The following KCNIP4 variants were observed in gnomAD, a reference collection of about 807,000 sequenced individuals.
KCNIP4 encodes Kv channel-interacting protein 4.
Under a neutral mutation model 34.0 loss-of-function variants are expected in KCNIP4, and 12 were observed. That is an observed-to-expected ratio of 0.35 (90% CI 0.23 to 0.57). The LOEUF (loss-of-function observed/expected upper bound fraction) is 0.57. Ranked by LOEUF, KCNIP4 falls within the 20% of genes least tolerant of loss-of-function variation. KCNIP4 has a pLI of 0.83. For synonymous variants in KCNIP4, 124 were observed against 102.2 expected (o/e 1.21, Z -1.29); for missense variants, 238 against 311.7 (o/e 0.76, Z 1.78).
chr4:21,537,198 A>C (rs1737247654), intron 1 of KCNIP4, among the ~76,000 whole-genome samples: 2 of 152,184 alleles, frequency 1.3e-5, no homozygotes, highest in African/African-American at 2.4e-5. Flanking sequence ...GATTTCTCAG[A>C]CTCTACAGGA....
intron 1 of KCNIP4, among the ~76,000 whole-genome samples, chr4:20,933,865 T>G (rs17634356): frequency 6.6e-6 from 1 of 152,088 alleles, no homozygotes; most frequent in Admixed American, 6.5e-5. Flanking sequence ...CAAACTTCCA[T>G]GTACTGGAAA....
chr4:21,640,112 T>C (rs986588856), intron 1 of KCNIP4, among the ~76,000 whole-genome samples: 6 of 152,162 alleles, frequency 3.9e-5, no homozygotes, highest in African/African-American at 1.4e-4. Context: ...TTCCCATCCA[T>C]TTAACTTCTA....
chr4:21,139,958 C>T (rs552644046), intron 1 of KCNIP4, among the ~76,000 whole-genome samples: 88 of 152,246 alleles, frequency 5.8e-4, no homozygotes, highest in Non-Finnish European at 1.1e-3. Flanking sequence ...TTCTAACATA[C>T]TGAGCTTCTC....
intron 1 of KCNIP4, among the ~76,000 whole-genome samples, chr4:21,280,120 C>T (rs1370392728): frequency 2.0e-5 from 3 of 152,146 alleles, no homozygotes; most frequent in Non-Finnish European, 4.4e-5. Context: ...TTATTCCATT[C>T]TTTTGTCGGC....
intron 1 of KCNIP4, among the ~76,000 whole-genome samples, chr4:21,446,930 T>A (rs942753925): frequency 2.0e-5 from 3 of 152,100 alleles, no homozygotes; most frequent in African/African-American, 7.2e-5. Context: ...ATCACTTTAG[T>A]TGAAGGACAT....
chr4:21,364,854 T>C (rs542203120), intron 1 of KCNIP4, among the ~76,000 whole-genome samples: 1 of 152,282 alleles, frequency 6.6e-6, no homozygotes, highest in East Asian at 1.9e-4. Context: ...GCAACTATCT[T>C]AGAAGAAAAA....
intron 1 of KCNIP4, among the ~76,000 whole-genome samples, chr4:20,947,664 C>T (rs1732328897): frequency 6.6e-6 from 1 of 152,188 alleles, no homozygotes; most frequent in African/African-American, 2.4e-5. Flanking sequence ...TGTAAGGAAG[C>T]TCCTTAACTT....
At chr4:21,471,202 A>G (rs1730441420) in intron 1 of KCNIP4, among the ~76,000 whole-genome samples, 2 of 152,158 alleles carry the variant, frequency 1.3e-5, no homozygotes, top group East Asian at 3.9e-4. Context: ...GGCAAGTTTG[A>G]GAAGTTCTGT....
intron 1 of KCNIP4, among the ~76,000 whole-genome samples, chr4:20,972,108 A>C (rs1735012823): frequency 6.6e-6 from 1 of 152,148 alleles, no homozygotes; most frequent in Non-Finnish European, 1.5e-5. Flanking sequence ...TTCTCTTGCT[A>C]TTTCCACCAC....
chr4:21,858,242 A>G (rs10011023), intron 1 of KCNIP4, among the ~76,000 whole-genome samples: 18,997 of 152,268 alleles, frequency 0.12, 3,518 homozygotes, highest in African/African-American at 0.41. Flanking sequence ...TGGCCACAGA[A>G]GTTTCCAGCT....
rs868682877 is a variant in KCNIP4, at chr4:21,117,310, G to A, written c.62-234601C>T. ...CCTGGCCGGGGTTGCCGGGGGGGGG[G>A]GGGGGGGGGCGCTGTTTTTCATCTT... On this transcript the variant is annotated intron_variant, in intron 1 of 8. Coordinates refer to ENST00000382152, the MANE Select transcript of KCNIP4 (RefSeq NM_025221.6). Among the ~76,000 whole-genome samples, 18 of 133,464 alleles carry A rather than the reference G, an allele frequency of 1.3e-4. 1 individual carries two copies. Among genetic ancestry groups the A allele is most frequent in the South Asian group, 3.0e-4 (1 of 3,374 alleles). 87.6% of individuals were successfully genotyped at this position (133,464 alleles called of 152,430 possible).
At chr4:21,467,113 CACACAA>C (rs201420969) in intron 1 of KCNIP4, among the ~76,000 whole-genome samples, 7,423 of 130,892 alleles carry the variant, frequency 0.057, 260 homozygotes, top group Non-Finnish European at 0.082. Flanking sequence ...CACACACACA[CACACAA>C]AACAGAACAT....
intron 1 of KCNIP4, among the ~76,000 whole-genome samples, chr4:21,883,913 T>C (rs956950611): frequency 6.6e-6 from 1 of 152,116 alleles, no homozygotes; most frequent in Non-Finnish European, 1.5e-5. Context: ...GACTTCTTTT[T>C]GGAATAAGCT....
chr4:21,343,709 T>C (rs550240237), intron 1 of KCNIP4, among the ~76,000 whole-genome samples: 9 of 152,184 alleles, frequency 5.9e-5, no homozygotes, highest in African/African-American at 2.2e-4. Flanking sequence ...CCCCAGAAAG[T>C]CTCAGGGGGA....
At chr4:21,392,241 G>T (rs1722628946) in intron 1 of KCNIP4, among the ~76,000 whole-genome samples, 1 of 152,202 alleles carries the variant, frequency 6.6e-6, no homozygotes, top group Non-Finnish European at 1.5e-5. Context: ...GAAGGTGGAA[G>T]TGCACAATGA....
chr4:21,597,230 C>A (rs983329348), intron 1 of KCNIP4, among the ~76,000 whole-genome samples: 3 of 151,968 alleles, frequency 2.0e-5, no homozygotes, highest in Non-Finnish European at 2.9e-5. Context: ...GAATAAGTCT[C>A]AGAAGACCTG....
At chr4:20,843,687 G>A (rs9991691) in intron 3 of KCNIP4, among the ~76,000 whole-genome samples, 55,919 of 151,720 alleles carry the variant, frequency 0.37, 10,654 homozygotes, top group Non-Finnish European at 0.43. Flanking sequence ...TGGAGATCGC[G>A]CCACTGCATT....
intron 1 of KCNIP4, among the ~76,000 whole-genome samples, chr4:21,339,437 A>T (rs1214419000): frequency 6.6e-6 from 1 of 152,228 alleles, no homozygotes; most frequent in Non-Finnish European, 1.5e-5. Context: ...TCAACATAAT[A>T]TGCAAATTGA....
intron 1 of KCNIP4, among the ~76,000 whole-genome samples, chr4:21,806,345 T>C (rs1477668926): frequency 1.3e-5 from 2 of 152,218 alleles, no homozygotes; most frequent in Non-Finnish European, 2.9e-5. Flanking sequence ...CATCTTGCCG[T>C]TTACAATTCT....
Sources: gnomAD v4.1 joint callset for allele counts (sites outside exome capture counted in the v4.1 genomes callset) on GRCh38, gnomAD v4.1.1 for gene constraint, MANE v1.5 for transcripts, NCBI Gene and HGNC (gene_info 2026-07-23, HGNC 2026-07-21) for gene names.